CPS1: variants seen among roughly 807,000 people sequenced by gnomAD.
CPS1 encodes the protein carbamoyl-phosphate synthase 1, also known as carbamoyl-phosphate synthase [ammonia], mitochondrial.
In CPS1, 109 loss-of-function variants were observed where a neutral mutation model predicts 174.6. That is an observed-to-expected ratio of 0.62 (90% confidence interval 0.53 to 0.73). The LOEUF is 0.73. Among genes scored for constraint, CPS1 ranks in the 30% least tolerant of loss-of-function variants. The probability of loss-of-function intolerance (pLI) is 0.00; values close to 1 mark genes in which losing one functional copy is unlikely to be tolerated. For missense variants in CPS1, 1,689 were observed against 1,821.9 expected, an observed-to-expected ratio of 0.93 and a Z score of 1.33; for synonymous variants, 637 against 632.0, an observed-to-expected ratio of 1.01 and a Z score of -0.12.
chr2:210,627,969 A>C (rs1211759411), intron 21 of CPS1, among the ~76,000 whole-genome samples: 5 of 151,930 alleles, frequency 3.3e-5, no homozygotes, highest in Non-Finnish European at 7.4e-5. Context: ...TGCCACATTT[A>C]TTATTTTATC....
At position 210,642,566 on chromosome 2, in the gene CPS1, T is replaced by C. The variant is rs2105901623; in HGVS notation, c.3042T>C (p.Asn1014=). 6 of 1,614,038 alleles carry C rather than the reference T, an allele frequency of 3.7e-6. No homozygotes were observed. The highest frequency in any genetic ancestry group is 5.1e-6 in the Non-Finnish European group (6 of 1,179,956). ...RQLGKKTVVV[N]CNPETVSTDF... is the part of the protein sequence containing the mutation. ...TTGGCAAGAAGACGGTGGTGGTGAA[T>C]TGCAATCCTGAGACTGTGAGCACAG... Residue 1014 remains asparagine (N), a synonymous_variant, in exon 25 of 38, where the codon AAT becomes AAC. Transcript: ENST00000233072.
chr2:210,576,968 T>C (rs1236236237), intron 3 of CPS1, among the ~76,000 whole-genome samples: 1 of 152,144 alleles, frequency 6.6e-6, no homozygotes, highest in Non-Finnish European at 1.5e-5. Context: ...ATTCAAAAAT[T>C]TATATTCCAA....
At chr2:210,515,153 T>C (rs973920661) in intron 1 of CPS1, among the ~76,000 whole-genome samples, 1 of 151,706 alleles carries the variant, frequency 6.6e-6, no homozygotes, top group African/African-American at 2.4e-5. Context: ...TGGCCTGCAT[T>C]TTGTTTTTTT....
Position 210,642,481 on chromosome 2 carries a change from C to A in CPS1, c.2960-3C>A, listed in dbSNP as rs1172346920. On this transcript the variant is annotated splice_polypyrimidine_tract_variant and splice_region_variant and intron_variant, in intron 24 of 37. Transcript: ENST00000233072. ...CCTTTTGCCAATCTCATTGTCTCTG[C>A]AGGCAGCAGTGTGGAATTTGATTGG... The A allele has an allele frequency of 1.2e-6, 2 of 1,613,786 alleles. No individual in the cohort carries two copies. Among genetic ancestry groups the A allele is most frequent in the African/African-American group, 2.7e-5 (2 of 74,914 alleles).
At position 210,556,638 on chromosome 2, in the gene CPS1, C is replaced by T. The variant is rs959139278; in HGVS notation, c.-96C>T. ...AGTCAGCCTTAAACACTGACTGCAC[C>T]CCTCCCAGATTTCTTTTACATTAAC... On this transcript the variant is annotated 5_prime_UTR_variant, in exon 1 of 38. Coordinates refer to ENST00000233072, the MANE Select transcript of CPS1 (RefSeq NM_001875.5). 1.3e-6 allele frequency: 2 copies of T among 1,568,378 alleles called. No homozygotes were observed. Among genetic ancestry groups the T allele is most frequent in the African/African-American group, 2.7e-5 (2 of 72,850 alleles).
chr2:210,502,375 A>T (rs1056780735), intron 1 of CPS1, among the ~76,000 whole-genome samples: 1 of 103,084 alleles, frequency 9.7e-6, no homozygotes. Context: ...CTCTATATAT[A>T]TATATTTTTT....
rs780484755 is a variant in CPS1, at chr2:210,629,904, AT to A, written c.2688-7796del. Among the ~76,000 whole-genome samples, 517 of 150,106 alleles carry A rather than the reference AT, an allele frequency of 3.4e-3. 5 individuals carry two copies. Among genetic ancestry groups the A allele is most frequent in the African/African-American group, 0.011 (464 of 41,038 alleles). On this transcript the variant is annotated intron_variant, in intron 21 of 37. Transcript: ENST00000233072. Reference sequence around the variant, plus strand: ...ACTCTAATAAAAATACAAAAAAAAAATTAAATTAAAAAAATAAAATTAGCCG... The same window carrying A: ...ACTCTAATAAAAATACAAAAAAAAAATAAATTAAAAAAATAAAATTAGCCG...
intron 33 of CPS1, among the ~76,000 whole-genome samples, chr2:210,666,278 C>T (rs1281628941): frequency 6.7e-6 from 1 of 149,048 alleles, no homozygotes; most frequent in Non-Finnish European, 1.5e-5. Flanking sequence ...TTGTAGGTTG[C>T]CTGTTCACTC....
chr2:210,665,011 A>G (rs879074484), intron 33 of CPS1, among the ~76,000 whole-genome samples: 2 of 152,218 alleles, frequency 1.3e-5, no homozygotes, highest in Admixed American at 1.3e-4. Flanking sequence ...CTAATCTTTA[A>G]TGGCACATTT....
chr2:210,577,530 A>C lies in CPS1; in HGVS notation c.471+20A>C, dbSNP rs776843683. ...GAAAAGGTAAGAAATGTAATAGGGC[A>C]TCCATCATCACCTAAGGAAGGTTGA... On this transcript the variant is annotated intron_variant, in intron 4 of 37. Transcript: ENST00000233072. 2 of 1,562,260 alleles carry C rather than the reference A, an allele frequency of 1.3e-6. No individual in the cohort carries two copies. The highest frequency in any genetic ancestry group is 1.8e-6 in the Non-Finnish European group (2 of 1,132,696).
At chr2:210,652,369 G>A (rs1373187048) in intron 28 of CPS1, among the ~76,000 whole-genome samples, 2 of 152,118 alleles carry the variant, frequency 1.3e-5, no homozygotes, top group Non-Finnish European at 2.9e-5. Context: ...AGTGAATTAT[G>A]GGGCAAGACC....
In CPS1 at chr2:210,591,954, C is replaced by T. The variant is rs146683599; in HGVS notation, c.1071C>T (p.Asn357=). ...GGAAACCACTTTTTGTGAATGTCAA[C>T]GATCAAACAAATGAGGTAAATGATG... ...AGWKPLFVNV[N]DQTNEGIMHE... is the part of the protein sequence containing the mutation. Residue 357 remains asparagine, a synonymous_variant, in exon 10 of 38, where the codon AAC becomes AAT. Coordinates refer to ENST00000233072, the MANE Select transcript of CPS1 (RefSeq NM_001875.5). 3.2e-5 allele frequency: 52 copies of T among 1,611,478 alleles called. No homozygotes were observed. The highest frequency in any genetic ancestry group is 2.7e-4 in the African/African-American group (20 of 74,870).
rs192051381 is a variant in CPS1, at chr2:210,543,817, G to A, written c.4-12902G>A. The stretch of plus-strand genomic sequence containing the variant: ...GTATGTAATAAAAGATACTCAACTT[G>A]TTGAATGAATAAATAAATGCATAAA... On this transcript the variant is annotated intron_variant, in intron 1 of 38. Coordinates refer to the CPS1 transcript ENST00000430249. Among the ~76,000 whole-genome samples, 39 of 152,112 alleles carry A rather than the reference G, an allele frequency of 2.6e-4. No individual in the cohort carries two copies. In the East Asian group the frequency reaches 7.6e-3, roughly 29 times the overall value.
chr2:210,651,498 A>G (rs2105912253), intron 28 of CPS1, among the ~76,000 whole-genome samples: 1 of 152,218 alleles, frequency 6.6e-6, no homozygotes, highest in East Asian at 1.9e-4. Context: ...TGTCTTCTCT[A>G]TTTTATTCCT....
chr2:210,675,048 C>T lies in CPS1; in HGVS notation c.4161+87C>T, dbSNP rs369588620. The T allele has an allele frequency of 2.9e-6, 3 of 1,038,840 alleles. No homozygotes were observed. In the South Asian group the frequency reaches 3.8e-5, roughly 13 times the overall value. The allele number at this position is 1,038,840 out of a possible 1,614,324, so 64.4% of individuals were successfully genotyped here. On this transcript the variant is annotated intron_variant, in intron 35 of 37. Coordinates refer to ENST00000233072, the MANE Select transcript of CPS1 (RefSeq NM_001875.5). ...TTGCAGAATATTGGAAAAGAAATAG[C>T]CCAAAATATGTCCTTTTGATATGAA...
intron 34 of CPS1, chr2:210,671,929 G>A (rs1701318945): frequency 6.6e-6 from 1 of 152,064 alleles, no homozygotes; most frequent in South Asian, 2.1e-4. Context: ...GTTTTTCGTG[G>A]TGATTTTAGC....
intron 21 of CPS1, among the ~76,000 whole-genome samples, chr2:210,628,673 G>A (rs1031542782): frequency 4.6e-5 from 7 of 152,150 alleles, no homozygotes; most frequent in East Asian, 1.9e-4. Context: ...GGTGGCAGGC[G>A]CCTGCAGTTC....
At chr2:210,538,995 T>C (rs1466910263) in intron 1 of CPS1, among the ~76,000 whole-genome samples, 2 of 152,150 alleles carry the variant, frequency 1.3e-5, no homozygotes, top group African/African-American at 2.4e-5. Flanking sequence ...GGTTGGTACA[T>C]AGTGTATTTT....
intron 16 of CPS1, among the ~76,000 whole-genome samples, chr2:210,603,607 C>T (rs1007799800): frequency 6.6e-6 from 1 of 151,814 alleles, no homozygotes; most frequent in Non-Finnish European, 1.5e-5. Flanking sequence ...TATACATATT[C>T]TCTATTAATT....
Sources: allele counts gnomAD v4.1 joint callset (sites outside exome capture counted in the v4.1 genomes callset), GRCh38; gene constraint gnomAD v4.1.1; transcripts MANE v1.5; gene names NCBI Gene and HGNC (gene_info 2026-07-23, HGNC 2026-07-21).